The following ACKR2 variants were observed in gnomAD, a reference collection of about 807,000 sequenced individuals.
The protein encoded by ACKR2 is atypical chemokine receptor 2.
For synonymous variants in ACKR2, 207 were observed against 192.2 expected (o/e 1.08, Z -0.64); for missense variants, 457 against 477.3 (o/e 0.96, Z 0.40).
At chr3:42,857,173 T>C (rs1403429003) in intron 2 of ACKR2, among the ~76,000 whole-genome samples, 1 of 152,102 alleles carries the variant, frequency 6.6e-6, no homozygotes, top group Non-Finnish European at 1.5e-5. Context: ...TCCTTCAAAG[T>C]ATATATGTTT....
At chr3:42,843,345 C>T (rs1007756567) in intron 2 of ACKR2, among the ~76,000 whole-genome samples, 22 of 152,176 alleles carry the variant, frequency 1.4e-4, no homozygotes, top group Non-Finnish European at 1.5e-5. Flanking sequence ...GCTGGGATTG[C>T]AGGCATGAGC....
At chr3:42,845,453 C>G (rs1701083675) in intron 2 of ACKR2, among the ~76,000 whole-genome samples, 1 of 152,108 alleles carries the variant, frequency 6.6e-6, no homozygotes, top group Non-Finnish European at 1.5e-5. Flanking sequence ...CCTCCACCTC[C>G]TGGGCTCAGG....
chr3:42,816,116 C>G (rs1008806763), intron 1 of ACKR2, among the ~76,000 whole-genome samples: 1 of 151,786 alleles, frequency 6.6e-6, no homozygotes, highest in Admixed American at 6.6e-5. Flanking sequence ...TTAATTGTTA[C>G]GACATTCTGT....
chr3:42,828,112 T>C (rs188667261), intron 2 of ACKR2, among the ~76,000 whole-genome samples: 4,589 of 147,116 alleles, frequency 0.031, 178 homozygotes, highest in African/African-American at 0.091. Flanking sequence ...TTTTCTTTTC[T>C]TTTCTTTTCT....
At chr3:42,851,501 C>T in intron 2 of ACKR2, 3 of 896,748 alleles carry the variant, frequency 3.3e-6, no homozygotes, top group Non-Finnish European at 4.0e-6. Context: ...TGAGACTTCC[C>T]AGGGGACACA....
At chr3:42,809,830 C>T (rs1700676836) in intron 1 of ACKR2, among the ~76,000 whole-genome samples, 1 of 151,666 alleles carries the variant, frequency 6.6e-6, no homozygotes, top group Admixed American at 6.6e-5. Context: ...CCACTGTACT[C>T]CAGCCTGGGC....
intron 1 of ACKR2, among the ~76,000 whole-genome samples, chr3:42,815,541 C>A (rs187789610): frequency 2.9e-4 from 44 of 152,332 alleles, no homozygotes; most frequent in African/African-American, 9.9e-4. Flanking sequence ...CAAAAATACA[C>A]TTCCCAGACA....
intron 2 of ACKR2, among the ~76,000 whole-genome samples, chr3:42,820,494 G>C (rs1700797882): frequency 6.6e-6 from 1 of 151,440 alleles, no homozygotes; most frequent in African/African-American, 2.4e-5. Flanking sequence ...TCTGGAGGCT[G>C]AGGCAGGAGA....
At chr3:42,838,237 AAG>A (rs552757654) in intron 2 of ACKR2, among the ~76,000 whole-genome samples, 291 of 152,324 alleles carry the variant, frequency 1.9e-3, no homozygotes, top group African/African-American at 6.8e-3. Flanking sequence ...AAAAGACACT[AAG>A]AGAATAAAAC....
chr3:42,865,507 G>A lies in ACKR2; in HGVS notation c.1005G>A (p.Leu335=). 1 of 1,614,158 alleles carries A rather than the reference G, an allele frequency of 6.2e-7. No individual in the cohort carries two copies. ...TGGCTGCCGTGCTTGGATGGCACCTGGCACCTGGCACTGCCCAGGCCTCAT... is the reference window on the plus strand; with the variant it reads ...TGGCTGCCGTGCTTGGATGGCACCTAGCACCTGGCACTGCCCAGGCCTCAT... ...AFLAAVLGWH[L]APGTAQASLS... The change falls in exon 3 of 3, where the codon CTG becomes CTA. Residue 335 remains leucine (L), a synonymous_variant. Coordinates refer to ENST00000422265, the MANE Select transcript of ACKR2 (RefSeq NM_001296.5).
intron 2 of ACKR2, among the ~76,000 whole-genome samples, chr3:42,860,419 A>G (rs769306818): frequency 1.3e-5 from 2 of 152,148 alleles, no homozygotes; most frequent in Non-Finnish European, 2.9e-5. Flanking sequence ...TTAACACCCC[A>G]CTGTCAATAG....
Position 42,861,499 on chromosome 3 carries a change from C to T in ACKR2, c.-37-2967C>T, listed in dbSNP as rs572692359. Among the ~76,000 whole-genome samples, 8 of 152,296 alleles carry T rather than the reference C, an allele frequency of 5.3e-5. No homozygotes were observed. The South Asian group carries it at 1.0e-3, about 20-fold the overall frequency. On this transcript the variant is annotated intron_variant, in intron 2 of 2. Coordinates refer to ENST00000422265, the MANE Select transcript of ACKR2 (RefSeq NM_001296.5). The stretch of plus-strand genomic sequence containing the variant: ...AACAATAGAAAAAAGAGGGAATCCT[C>T]TTTAACTCATTTTATGAGGCCAGCA...
chr3:42,820,253 T>C (rs1222782617), intron 2 of ACKR2, among the ~76,000 whole-genome samples: 1 of 152,096 alleles, frequency 6.6e-6, no homozygotes, highest in African/African-American at 2.4e-5. Context: ...CCCAAATTGG[T>C]TTCCTGAGTG....
chr3:42,843,144 G>A (rs975175607), intron 2 of ACKR2, among the ~76,000 whole-genome samples: 1 of 151,082 alleles, frequency 6.6e-6, no homozygotes, highest in Non-Finnish European at 1.5e-5. Flanking sequence ...GCACAATCAC[G>A]GCTCACTGCA....
chr3:42,833,824 G>T (rs1235474672), intron 2 of ACKR2, among the ~76,000 whole-genome samples: 1 of 151,656 alleles, frequency 6.6e-6, no homozygotes, highest in Non-Finnish European at 1.5e-5. Context: ...GATTATGTGT[G>T]TTTTTTTAGA....
At chr3:42,819,768 G>A (rs1430217478) in intron 2 of ACKR2, 57 bp downstream of exon 2, 1 of 152,292 alleles carries the variant, frequency 6.6e-6, no homozygotes, top group African/African-American at 2.4e-5. Flanking sequence ...GGCTGCAGTA[G>A]CTAGGCAGGG....
intron 2 of ACKR2, among the ~76,000 whole-genome samples, chr3:42,824,408 A>G (rs976744787): frequency 2.6e-5 from 4 of 152,278 alleles, no homozygotes; most frequent in Non-Finnish European, 5.9e-5. Context: ...AAATTATGCA[A>G]TTTAATATAA....
At chr3:42,835,026 C>T (rs1259772333) in intron 2 of ACKR2, among the ~76,000 whole-genome samples, 2 of 152,116 alleles carry the variant, frequency 1.3e-5, no homozygotes, top group Non-Finnish European at 2.9e-5. Flanking sequence ...GCTGGAACTG[C>T]AGGCACGCAC....
rs1313372905 is a variant in ACKR2, at chr3:42,828,088, A to ATTT, written c.-38+8378_-38+8379insTTT. On this transcript the variant is annotated intron_variant, in intron 2 of 2. Coordinates refer to ENST00000422265, the MANE Select transcript of ACKR2 (RefSeq NM_001296.5). ...GGATGCTTGCATTATATATATATAT[A>ATTT]TATATTTTTTTTTTTTTCTTTTCTT... 6.3e-4 allele frequency among the ~76,000 whole-genome samples: 59 copies of ATTT among 93,034 alleles called. 1 individual carries two copies. The highest frequency in any genetic ancestry group is 4.9e-3 in the Middle Eastern group (1 of 206). The allele number at this position is 93,034 out of a possible 152,430, so 61.0% of individuals were successfully genotyped here. A position where few individuals can be genotyped will look rare whatever the true frequency, so the allele number is the denominator to read the frequency against.
Sources: allele counts gnomAD v4.1 joint callset (sites outside exome capture counted in the v4.1 genomes callset), GRCh38; gene constraint gnomAD v4.1.1; transcripts MANE v1.5; gene names NCBI Gene and HGNC (gene_info 2026-07-23, HGNC 2026-07-21).